The following RBFOX1 variants were observed in gnomAD, a reference collection of about 807,000 sequenced individuals.
RBFOX1 encodes the protein RNA binding fox-1 homolog 1, also known as RNA binding protein fox-1 homolog 1.
RBFOX1 carries 8 observed loss-of-function variants against 57.7 expected under a neutral mutation model. That is an observed-to-expected ratio of 0.14 (90% CI 0.08 to 0.25). The LOEUF is 0.25. RBFOX1 is among the 10% of genes least tolerant of loss of function. The pLI is 1.00. For synonymous variants in RBFOX1, 326 were observed against 222.4 expected (o/e 1.47, Z -4.15); for missense variants, 611 against 548.5 (o/e 1.11, Z -1.14).
intron 1 of RBFOX1, among the ~76,000 whole-genome samples, chr16:5,464,850 A>G (rs184992827): frequency 2.6e-5 from 4 of 152,204 alleles, no homozygotes; most frequent in Non-Finnish European, 2.9e-5. Context: ...GGGGCTGGGG[A>G]GGCACAGGGT....
At chr16:7,168,052 A>G (rs2079927827) in intron 4 of RBFOX1, among the ~76,000 whole-genome samples, 1 of 152,180 alleles carries the variant, frequency 6.6e-6, no homozygotes, top group Admixed American at 6.5e-5. Context: ...TCCTTAGAGG[A>G]AAAACATGAA....
At chr16:5,609,346 C>T (rs2047694887) in intron 3 of RBFOX1, among the ~76,000 whole-genome samples, 1 of 152,192 alleles carries the variant, frequency 6.6e-6, no homozygotes, top group African/African-American at 2.4e-5. Flanking sequence ...CAAAACCCAT[C>T]CAGCCATCTT....
intron 5 of RBFOX1, among the ~76,000 whole-genome samples, chr16:7,569,211 C>T (rs117234068): frequency 6.6e-6 from 1 of 152,280 alleles, no homozygotes; most frequent in East Asian, 1.9e-4. Flanking sequence ...GACCATACAC[C>T]TAGTAACTTC....
At chr16:6,623,005 C>T (rs919374869) in intron 2 of RBFOX1, among the ~76,000 whole-genome samples, 3 of 152,176 alleles carry the variant, frequency 2.0e-5, no homozygotes, top group South Asian at 2.1e-4. Flanking sequence ...TTTTAATGAA[C>T]ACACCACATC....
chr16:7,281,982 C>T (rs2095553304), intron 4 of RBFOX1, among the ~76,000 whole-genome samples: 1 of 152,164 alleles, frequency 6.6e-6, no homozygotes, highest in East Asian at 1.9e-4. Flanking sequence ...CCTCCCACCT[C>T]AGCGTCCGGA....
chr16:6,994,589 G>A (rs572898530), intron 3 of RBFOX1, among the ~76,000 whole-genome samples: 3 of 152,150 alleles, frequency 2.0e-5, no homozygotes, highest in Non-Finnish European at 4.4e-5. Flanking sequence ...TCCAGCACCA[G>A]GAAGAATGAT....
At chr16:6,499,044 A>G (rs537222839) in intron 2 of RBFOX1, among the ~76,000 whole-genome samples, 15 of 152,228 alleles carry the variant, frequency 9.9e-5, no homozygotes, top group Admixed American at 4.6e-4. Context: ...GTTAGTAATT[A>G]ACTTATGTCA....
intron 4 of RBFOX1, among the ~76,000 whole-genome samples, chr16:5,989,716 C>A (rs1332191707): frequency 6.6e-6 from 1 of 151,984 alleles, no homozygotes; most frequent in Non-Finnish European, 1.5e-5. Flanking sequence ...TGATCTCACT[C>A]ATTTGTCTCG....
intron 1 of RBFOX1, among the ~76,000 whole-genome samples, chr16:6,107,534 G>T (rs762409519): frequency 6.6e-6 from 1 of 152,042 alleles, no homozygotes; most frequent in Non-Finnish European, 1.5e-5. Context: ...AATGAAGTTA[G>T]ATATTGCTTT....
chr16:6,652,630 C>T (rs12932660), intron 2 of RBFOX1, among the ~76,000 whole-genome samples: 114,014 of 151,898 alleles, frequency 0.75, 42,893 homozygotes, highest in Admixed American at 0.84. Context: ...AGAAAATAAA[C>T]TTCAGTCGTT....
chr16:7,671,555 A>T, intron 13 of RBFOX1: 1 of 1,608,574 alleles, frequency 6.2e-7, no homozygotes, highest in Non-Finnish European at 8.5e-7. Context: ...GTTTCCTTAT[A>T]GAGTAGTGTA....
intron 4 of RBFOX1, among the ~76,000 whole-genome samples, chr16:7,474,996 G>C (rs2062348680): frequency 6.6e-6 from 1 of 152,144 alleles, no homozygotes; most frequent in African/African-American, 2.4e-5. Flanking sequence ...TCCCAGGATG[G>C]TACTCTAGAT....
intron 1 of RBFOX1, among the ~76,000 whole-genome samples, chr16:6,254,513 C>G (rs564523828): frequency 8.5e-5 from 13 of 152,100 alleles, no homozygotes; most frequent in Non-Finnish European, 1.8e-4. Flanking sequence ...GAGTTTGAAG[C>G]TTGATCCCAA....
chr16:6,779,795 ACT>A (rs370460301), intron 3 of RBFOX1, among the ~76,000 whole-genome samples: 603 of 3,904 alleles, frequency 0.15, 61 homozygotes, highest in East Asian at 0.32. Context: ...TTTTATATAT[ACT>A]TTTATATATT....
chr16:7,454,747 A>G (rs1030177383), intron 4 of RBFOX1, among the ~76,000 whole-genome samples: 6 of 152,202 alleles, frequency 3.9e-5, no homozygotes, highest in African/African-American at 1.4e-4. Flanking sequence ...ATACATTTCT[A>G]CCATGAACAT....
chr16:6,945,980 CTT>C (rs2079433439), intron 3 of RBFOX1, among the ~76,000 whole-genome samples: 1 of 152,234 alleles, frequency 6.6e-6, no homozygotes, highest in Non-Finnish European at 1.5e-5. Context: ...CCACAAGTGT[CTT>C]TTGGCCTGAG....
At chr16:6,201,838 T>A (rs1051220660) in intron 1 of RBFOX1, among the ~76,000 whole-genome samples, 1 of 152,144 alleles carries the variant, frequency 6.6e-6, no homozygotes, top group African/African-American at 2.4e-5. Flanking sequence ...AGAAAATTTT[T>A]AAAATTGTTC....
At chr16:7,277,496 A>T (rs1403099247) in intron 4 of RBFOX1, among the ~76,000 whole-genome samples, 2 of 152,214 alleles carry the variant, frequency 1.3e-5, no homozygotes. Flanking sequence ...GGATGAAGCC[A>T]CAATTGTTAG....
chr16:7,093,859 T>C (rs977962621), intron 4 of RBFOX1, among the ~76,000 whole-genome samples: 1 of 152,136 alleles, frequency 6.6e-6, no homozygotes, highest in East Asian at 1.9e-4. Context: ...ACATCCATTT[T>C]TTCCCACTGT....
Sources: gnomAD v4.1 joint callset for allele counts (sites outside exome capture counted in the v4.1 genomes callset) on GRCh38, gnomAD v4.1.1 for gene constraint, MANE v1.5 for transcripts, NCBI Gene and HGNC (gene_info 2026-07-23, HGNC 2026-07-21) for gene names.